CALN1: variants seen among roughly 807,000 people sequenced by gnomAD.
The protein encoded by CALN1 is calneuron 1, also known as calcium-binding protein 8.
A neutral mutation model predicts 30.6 loss-of-function variants in CALN1; 17 were observed. The ratio of observed to expected loss-of-function variants is 0.56; its 90% CI spans 0.38 to 0.83. The LOEUF is 0.83. Ranked by LOEUF, CALN1 falls within the 40% of genes least tolerant of loss-of-function variation. The probability of loss-of-function intolerance (pLI) is 0.00; values close to 1 mark genes in which losing one functional copy is unlikely to be tolerated. For missense variants in CALN1, 291 were observed against 354.9 expected, an observed-to-expected ratio of 0.82 and a Z score of 1.45; for synonymous variants, 156 against 131.4, an observed-to-expected ratio of 1.19 and a Z score of -1.28.
chr7:72,205,042 T>C (rs534119634), intron 3 of CALN1, among the ~76,000 whole-genome samples: 2 of 152,288 alleles, frequency 1.3e-5, no homozygotes, highest in African/African-American at 4.8e-5. Flanking sequence ...CCTGCTAAAA[T>C]AGTGGATAGA....
At chr7:72,373,412 G>T (rs1279230154) in intron 2 of CALN1, among the ~76,000 whole-genome samples, 2 of 152,148 alleles carry the variant, frequency 1.3e-5, no homozygotes, top group African/African-American at 4.8e-5. Context: ...GTCTGACTTA[G>T]GATTTTTTGA....
At chr7:72,373,732 C>T (rs999492114) in intron 2 of CALN1, among the ~76,000 whole-genome samples, 2 of 152,172 alleles carry the variant, frequency 1.3e-5, no homozygotes, top group Admixed American at 1.3e-4. Context: ...CATCATAAGT[C>T]AAGAAGCGTC....
At chr7:71,840,542 T>C (rs1389878486) in intron 5 of CALN1, among the ~76,000 whole-genome samples, 1 of 150,238 alleles carries the variant, frequency 6.7e-6, no homozygotes, top group African/African-American at 2.5e-5. Context: ...AACCCCTTCT[T>C]AACATCCTGC....
intron 3 of CALN1, among the ~76,000 whole-genome samples, chr7:72,238,009 G>A (rs988304206): frequency 1.3e-5 from 2 of 152,180 alleles, no homozygotes; most frequent in South Asian, 4.1e-4. Flanking sequence ...AAAAACAGAG[G>A]TGGCATTCAG....
At chr7:72,126,986 T>C (rs1479622423) in intron 3 of CALN1, among the ~76,000 whole-genome samples, 6 of 151,908 alleles carry the variant, frequency 3.9e-5, no homozygotes, top group Non-Finnish European at 4.4e-5. Context: ...GAAATAAATA[T>C]ATAAATAAAA....
At chr7:71,810,794 T>C (rs558376246) in intron 5 of CALN1, among the ~76,000 whole-genome samples, 16 of 152,312 alleles carry the variant, frequency 1.1e-4, no homozygotes, top group East Asian at 9.6e-4. Flanking sequence ...GCATACTTTG[T>C]GTACTTTAGA....
At chr7:72,326,108 G>A (rs1029444765) in intron 2 of CALN1, among the ~76,000 whole-genome samples, 1 of 152,128 alleles carries the variant, frequency 6.6e-6, no homozygotes, top group Admixed American at 6.5e-5. Context: ...TCACCATGTT[G>A]GCCAGGCTGG....
In CALN1 at chr7:72,225,411, C is replaced by T. The variant is rs371939534; in HGVS notation, c.244+53275G>A. On this transcript the variant is annotated intron_variant, in intron 3 of 6. Coordinates refer to ENST00000395275, the MANE Select transcript of CALN1 (RefSeq NM_031468.4). The stretch of plus-strand genomic sequence containing the variant: ...ATTCCCTGGCACGGGGGAGGGGCAA[C>T]GATACCCCAAAAAGGGCCACTTACA... Among the ~76,000 whole-genome samples, 4 of 152,070 alleles carry T rather than the reference C, an allele frequency of 2.6e-5. No individual in the cohort carries two copies. In the South Asian group the frequency reaches 6.2e-4, roughly 24 times the overall value.
intron 3 of CALN1, among the ~76,000 whole-genome samples, chr7:72,167,975 G>C (rs181707215): frequency 1.3e-5 from 2 of 152,272 alleles, no homozygotes; most frequent in East Asian, 3.9e-4. Context: ...AACTTCCTAA[G>C]CACTCTCAAC....
chr7:72,225,890 G>C (rs1244743350), intron 3 of CALN1, among the ~76,000 whole-genome samples: 2 of 152,112 alleles, frequency 1.3e-5, no homozygotes, highest in African/African-American at 2.4e-5. Context: ...GAGGTCAAGA[G>C]ATCAAAACCA....
At chr7:72,197,621 G>A (rs900002061) in intron 3 of CALN1, among the ~76,000 whole-genome samples, 1 of 152,114 alleles carries the variant, frequency 6.6e-6, no homozygotes, top group African/African-American at 2.4e-5. Flanking sequence ...CTTGAAGCCA[G>A]GAGTTCAAGA....
intron 4 of CALN1, among the ~76,000 whole-genome samples, chr7:72,102,762 G>A (rs1206791663): frequency 6.6e-6 from 1 of 151,884 alleles, no homozygotes; most frequent in East Asian, 1.9e-4. Flanking sequence ...TATGGGGATT[G>A]AGAGGTGATG....
At chr7:71,984,765 T>C (rs1184277256) in intron 5 of CALN1, among the ~76,000 whole-genome samples, 1 of 152,156 alleles carries the variant, frequency 6.6e-6, no homozygotes, top group East Asian at 1.9e-4. Flanking sequence ...CAGCAATAAC[T>C]TTAGCATACA....
intron 5 of CALN1, among the ~76,000 whole-genome samples, chr7:71,954,560 G>A (rs1419092469): frequency 6.6e-6 from 1 of 152,226 alleles, no homozygotes; most frequent in Non-Finnish European, 1.5e-5. Context: ...GCTGAGGCAG[G>A]AGGACTGCAC....
intron 5 of CALN1, among the ~76,000 whole-genome samples, chr7:71,933,902 G>A (rs554153647): frequency 6.6e-6 from 1 of 152,244 alleles, no homozygotes; most frequent in Admixed American, 6.5e-5. Context: ...GGTGACGTGA[G>A]TGAGTGACAT....
intron 5 of CALN1, among the ~76,000 whole-genome samples, chr7:71,876,350 C>T (rs1048764467): frequency 6.6e-6 from 1 of 152,060 alleles, no homozygotes; most frequent in African/African-American, 2.4e-5. Context: ...CAAGGTCACT[C>T]CTCGTGTGTT....
Position 71,810,384 on chromosome 7 carries a change from C to T in CALN1, c.610G>A (p.Glu204Lys), listed in dbSNP as rs986071612. 6.2e-7 allele frequency: 1 copy of T among 1,614,180 alleles called. No homozygotes were observed. Among genetic ancestry groups the T allele is most frequent in the Non-Finnish European group, 8.5e-7 (1 of 1,180,034 alleles). ...DIENIIINEE[E>K]SLNETSGNCQ... Reference sequence around the variant, plus strand: ...TTCCCCGAGGTCTCATTCAGGCTCTCTTCCTCATTGATAATGATGTTCTCA... The same window carrying T: ...TTCCCCGAGGTCTCATTCAGGCTCTTTTCCTCATTGATAATGATGTTCTCA... The change falls in exon 6 of 7, where the codon GAG becomes AAG. Residue 204 changes from glutamate (E) to lysine (K), a missense_variant. Glu to Lys is a moderately conservative substitution (Grantham distance 56). This residue lies in a region of CALN1 where 169 missense variants were observed against 251.7 expected (regional missense o/e 0.67). Coordinates refer to ENST00000395275, the MANE Select transcript of CALN1 (RefSeq NM_031468.4).
In CALN1 at chr7:72,231,283, C is replaced by G. The variant is rs184583255; in HGVS notation, c.244+47403G>C. Among the ~76,000 whole-genome samples, 643 of 152,294 alleles carry G rather than the reference C, an allele frequency of 4.2e-3. 3 individuals carry two copies. The highest frequency in any genetic ancestry group is 0.031 in the Middle Eastern group (9 of 294). ...TATTTTTCCTAATGCTCTCCCTCCC[C>G]CAACGCCCCTGTCCAACAGGCCCCA... On this transcript the variant is annotated intron_variant, in intron 3 of 6. Coordinates refer to ENST00000395275, the MANE Select transcript of CALN1 (RefSeq NM_031468.4).
At chr7:72,390,666 A>G (rs1805522370) in intron 2 of CALN1, among the ~76,000 whole-genome samples, 1 of 152,054 alleles carries the variant, frequency 6.6e-6, no homozygotes, top group East Asian at 1.9e-4. Flanking sequence ...CTGTGCCACT[A>G]TTTTACTATC....
Sources: gnomAD v4.1 joint callset for allele counts (sites outside exome capture counted in the v4.1 genomes callset) on GRCh38, gnomAD v4.1.1 for gene constraint, gnomAD v4.1.1 regional missense constraint, MANE v1.5 for transcripts, NCBI Gene and HGNC (gene_info 2026-07-23, HGNC 2026-07-21) for gene names.